The following SNTG1 variants were observed in gnomAD, a reference collection of about 807,000 sequenced individuals.
The protein encoded by SNTG1 is gamma-1-syntrophin.
A neutral mutation model predicts 74.7 loss-of-function variants in SNTG1; 39 were observed. The observed-to-expected ratio is 0.52, with a 90% CI of 0.40 to 0.68. The LOEUF (loss-of-function observed/expected upper bound fraction) is 0.68, where lower values mean the gene tolerates loss of function less well. Among genes scored for constraint, SNTG1 ranks in the 30% least tolerant of loss-of-function variants. The pLI is 0.00. For synonymous variants in SNTG1, 254 were observed against 217.1 expected, an observed-to-expected ratio of 1.17 and a Z score of -1.49; for missense variants, 685 against 609.5, an observed-to-expected ratio of 1.12 and a Z score of -1.30.
intron 18 of SNTG1, among the ~76,000 whole-genome samples, chr8:50,756,628 T>C (rs1024662713): frequency 6.6e-6 from 1 of 151,804 alleles, no homozygotes; most frequent in Admixed American, 6.6e-5. Context: ...TTGATCTATT[T>C]GTCTGTTTCT....
At chr8:50,513,592 T>C (rs578001565) in intron 9 of SNTG1, among the ~76,000 whole-genome samples, 6 of 152,228 alleles carry the variant, frequency 3.9e-5, no homozygotes, top group Non-Finnish European at 7.3e-5. Flanking sequence ...GTGCTTTGTC[T>C]ACCTACTCAA....
chr8:50,085,954 T>A (rs1336517002), intron 1 of SNTG1, among the ~76,000 whole-genome samples: 2 of 152,192 alleles, frequency 1.3e-5, no homozygotes, highest in Non-Finnish European at 2.9e-5. Context: ...GCCTGAGGAC[T>A]GCTGGCGTAG....
intron 1 of SNTG1, among the ~76,000 whole-genome samples, chr8:49,913,328 T>C (rs1055120352): frequency 4.6e-5 from 7 of 152,268 alleles, no homozygotes; most frequent in African/African-American, 1.7e-4. Context: ...GTTTTACTTT[T>C]AATTTCACTG....
chr8:50,380,079 CT>C (rs1563306662), intron 2 of SNTG1, among the ~76,000 whole-genome samples: 1 of 152,216 alleles, frequency 6.6e-6, no homozygotes, highest in Non-Finnish European at 1.5e-5. Flanking sequence ...CGTTTGGACT[CT>C]TACAAGAGAA....
intron 1 of SNTG1, among the ~76,000 whole-genome samples, chr8:50,118,044 C>T (rs1031960509): frequency 2.6e-5 from 4 of 152,142 alleles, no homozygotes; most frequent in African/African-American, 7.2e-5. Context: ...TTACAGAAAG[C>T]ACCTACTTGC....
intron 13 of SNTG1, among the ~76,000 whole-genome samples, chr8:50,631,530 C>T (rs769152728): frequency 9.2e-5 from 14 of 152,110 alleles, no homozygotes; most frequent in Non-Finnish European, 1.6e-4. Context: ...GACTCTGAAT[C>T]GCAAAACCAA....
chr8:50,544,957 T>C (rs2094376057), intron 11 of SNTG1, among the ~76,000 whole-genome samples: 1 of 151,992 alleles, frequency 6.6e-6, no homozygotes, highest in South Asian at 2.1e-4. Context: ...TATATATATG[T>C]ATATATGAAT....
chr8:50,097,458 G>C (rs1040086532), intron 1 of SNTG1, among the ~76,000 whole-genome samples: 2 of 152,114 alleles, frequency 1.3e-5, no homozygotes, highest in South Asian at 4.1e-4. Flanking sequence ...TTATATGTCA[G>C]AGAAATATTC....
At chr8:50,563,728 C>A (rs1473570675) in intron 12 of SNTG1, among the ~76,000 whole-genome samples, 2 of 151,970 alleles carry the variant, frequency 1.3e-5, no homozygotes, top group Admixed American at 6.6e-5. Flanking sequence ...GAACAGGTAC[C>A]ATGTACAACA....
chr8:50,510,608 A>G (rs1274084102), intron 9 of SNTG1, among the ~76,000 whole-genome samples: 1 of 152,164 alleles, frequency 6.6e-6, no homozygotes, highest in Non-Finnish European at 1.5e-5. Flanking sequence ...TTTTTGGTCT[A>G]TTAAGAGATT....
chr8:50,307,855 T>C (rs1203419212), intron 2 of SNTG1, among the ~76,000 whole-genome samples: 1 of 152,144 alleles, frequency 6.6e-6, no homozygotes, highest in Non-Finnish European at 1.5e-5. Flanking sequence ...GGCTTGTTTT[T>C]CTAGCTTCAT....
At chr8:50,533,747 T>C (rs915758182) in intron 10 of SNTG1, among the ~76,000 whole-genome samples, 3 of 152,304 alleles carry the variant, frequency 2.0e-5, no homozygotes, top group Middle Eastern at 3.4e-3. Context: ...TACATATTTC[T>C]TATAAAGAAG....
At chr8:50,654,995 T>A (rs2095171271) in intron 13 of SNTG1, among the ~76,000 whole-genome samples, 1 of 152,194 alleles carries the variant, frequency 6.6e-6, no homozygotes, top group Non-Finnish European at 1.5e-5. Flanking sequence ...CATGTGACAT[T>A]TCCGTGTAGA....
chr8:50,453,190 T>A (rs2093472193), intron 8 of SNTG1, among the ~76,000 whole-genome samples: 1 of 152,188 alleles, frequency 6.6e-6, no homozygotes, highest in Non-Finnish European at 1.5e-5. Context: ...CAGGTTTGAT[T>A]TATATAGAAG....
chr8:50,324,723 T>C (rs1478356401), intron 2 of SNTG1, among the ~76,000 whole-genome samples: 1 of 152,024 alleles, frequency 6.6e-6, no homozygotes, highest in Non-Finnish European at 1.5e-5. Context: ...CTTGAGAGTG[T>C]CAATTGTAGA....
intron 2 of SNTG1, among the ~76,000 whole-genome samples, chr8:50,221,675 AT>A (rs1409974866): frequency 6.6e-6 from 1 of 152,108 alleles, no homozygotes; most frequent in East Asian, 1.9e-4. Flanking sequence ...TAAAAAATAT[AT>A]TTTTTATTGG....
intron 13 of SNTG1, among the ~76,000 whole-genome samples, chr8:50,622,462 T>C (rs1285240419): frequency 6.6e-6 from 1 of 152,156 alleles, no homozygotes; most frequent in Non-Finnish European, 1.5e-5. Flanking sequence ...GAAAATAGTG[T>C]TTGAATGTAT....
intron 1 of SNTG1, among the ~76,000 whole-genome samples, chr8:49,954,570 A>T (rs1809996872): frequency 6.6e-6 from 1 of 152,120 alleles, no homozygotes; most frequent in Admixed American, 6.5e-5. Flanking sequence ...TCAGTCTTTA[A>T]TTTTTTATTC....
chr8:50,314,374 G>T (rs2090236213), intron 2 of SNTG1, among the ~76,000 whole-genome samples: 1 of 149,166 alleles, frequency 6.7e-6, no homozygotes, highest in Non-Finnish European at 1.5e-5. Flanking sequence ...GCTTTATTGA[G>T]ATTCTTGGAT....
Sources: gnomAD v4.1 joint callset for allele counts (sites outside exome capture counted in the v4.1 genomes callset) on GRCh38, gnomAD v4.1.1 for gene constraint, MANE v1.5 for transcripts, NCBI Gene and HGNC (gene_info 2026-07-23, HGNC 2026-07-21) for gene names.